Variants in BICD1 observed in about 807,000 individuals in gnomAD.
BICD1 encodes the protein BICD cargo adaptor 1.
A neutral mutation model predicts 92.5 loss-of-function variants in BICD1; 35 were observed. The observed-to-expected ratio is 0.38, with a 90% CI of 0.29 to 0.50. BICD1 has a LOEUF of 0.50. Ranked by LOEUF, BICD1 falls within the 20% of genes least tolerant of loss-of-function variation. The probability of loss-of-function intolerance (pLI) is 0.93; values close to 1 mark genes in which losing one functional copy is unlikely to be tolerated. For missense variants in BICD1, 950 were observed against 1,189.8 expected, an observed-to-expected ratio of 0.80 and a Z score of 2.97; for synonymous variants, 429 against 465.1, an observed-to-expected ratio of 0.92 and a Z score of 1.00.
chr12:32,240,736 C>T (rs929217551), intron 2 of BICD1, among the ~76,000 whole-genome samples: 3 of 152,032 alleles, frequency 2.0e-5, no homozygotes, highest in African/African-American at 7.2e-5. Flanking sequence ...TACCACTCCC[C>T]ACCCCTTAAA....
intron 2 of BICD1, among the ~76,000 whole-genome samples, chr12:32,217,364 A>T (rs1945390769): frequency 6.6e-6 from 1 of 152,230 alleles, no homozygotes; most frequent in Non-Finnish European, 1.5e-5. Context: ...GTAAAGTATA[A>T]GACAAGCAAT....
At chr12:32,196,601 A>T (rs1944733825) in intron 1 of BICD1, among the ~76,000 whole-genome samples, 1 of 152,228 alleles carries the variant, frequency 6.6e-6, no homozygotes. Flanking sequence ...AACAGAGTAG[A>T]ATGGTGGTTG....
In BICD1 at chr12:32,356,541, G is replaced by A. The variant is rs1466261386; in HGVS notation, c.2765-11129G>A. 4.6e-5 allele frequency among the ~76,000 whole-genome samples: 7 copies of A among 151,968 alleles called. No homozygotes were observed. In the East Asian group the frequency reaches 9.7e-4, roughly 21 times the overall value. ...AGTGGCACTGGGGAGGCTGAGGTGG[G>A]AGGATCGCCTGAACCCGGGAAGCAG... On this transcript the variant is annotated intron_variant, in intron 8 of 9. Coordinates refer to ENST00000652176, the MANE Select transcript of BICD1 (RefSeq NM_001714.4).
At chr12:32,283,474 C>T (rs1381500505) in intron 2 of BICD1, among the ~76,000 whole-genome samples, 1 of 152,054 alleles carries the variant, frequency 6.6e-6, no homozygotes, top group Non-Finnish European at 1.5e-5. Context: ...CAGCTATGAG[C>T]ATGCATAGAG....
intron 4 of BICD1, among the ~76,000 whole-genome samples, chr12:32,317,317 C>T (rs1242763801): frequency 6.6e-6 from 1 of 152,176 alleles, no homozygotes; most frequent in Non-Finnish European, 1.5e-5. Context: ...GTTTACAGTC[C>T]TACCAACAGT....
At chr12:32,239,296 G>A (rs1946168289) in intron 2 of BICD1, among the ~76,000 whole-genome samples, 1 of 150,406 alleles carries the variant, frequency 6.6e-6, no homozygotes, top group African/African-American at 2.4e-5. Flanking sequence ...GCCGGGCGCT[G>A]TGGCTTACGC....
In BICD1 at chr12:32,182,707, T is replaced by A. The variant is rs1158393386; in HGVS notation, c.214-33540T>A. 6.6e-5 allele frequency among the ~76,000 whole-genome samples: 10 copies of A among 151,776 alleles called. No individual in the cohort carries two copies. The Admixed American group carries it at 6.6e-4, about 10-fold the overall frequency. Reference sequence around the variant, plus strand: ...TAATAAATATATACTGGCAAATACATAATGGTAGTATTTTTATTTATAAAA... The same window carrying A: ...TAATAAATATATACTGGCAAATACAAAATGGTAGTATTTTTATTTATAAAA... On this transcript the variant is annotated intron_variant, in intron 1 of 9. Transcript: ENST00000652176.
chr12:32,142,444 C>CCTGTCTATCCTAT (rs1942963163), intron 1 of BICD1, among the ~76,000 whole-genome samples: 1 of 84,762 alleles, frequency 1.2e-5, no homozygotes, highest in East Asian at 3.7e-4. Context: ...AAAAACCCCA[C>CCTGTCTATCCTAT]CTATCTATCC....
intron 8 of BICD1, chr12:32,352,540 G>A (rs1189332491): frequency 4.6e-5 from 7 of 151,858 alleles, no homozygotes; most frequent in Admixed American, 4.6e-4. Flanking sequence ...AGTTTAAGGA[G>A]ACACATTTCC....
At chr12:32,239,535 CAGTGCA>C in intron 2 of BICD1, among the ~76,000 whole-genome samples, 1 of 149,428 alleles carries the variant, frequency 6.7e-6, no homozygotes, top group East Asian at 2.0e-4. Context: ...CATTGCACTC[CAGTGCA>C]GTGGAGTGCA....
At chr12:32,172,151 A>G (rs1217863602) in intron 1 of BICD1, among the ~76,000 whole-genome samples, 3 of 152,152 alleles carry the variant, frequency 2.0e-5, no homozygotes, top group Non-Finnish European at 4.4e-5. Context: ...TCTATGTGGT[A>G]AGTCTAGAAT....
intron 2 of BICD1, among the ~76,000 whole-genome samples, chr12:32,245,822 G>C (rs969076691): frequency 2.0e-5 from 3 of 151,790 alleles, no homozygotes; most frequent in African/African-American, 7.3e-5. Flanking sequence ...CTGAGGTCAG[G>C]AGTTCGAGAC....
chr12:32,206,096 T>G (rs1234550035), intron 1 of BICD1, among the ~76,000 whole-genome samples: 1 of 152,246 alleles, frequency 6.6e-6, no homozygotes, highest in East Asian at 1.9e-4. Flanking sequence ...AACTTGGTTT[T>G]TTATTCACCA....
intron 3 of BICD1, among the ~76,000 whole-genome samples, chr12:32,298,569 CAAA>C (rs56382132): frequency 5.1e-5 from 4 of 77,812 alleles, no homozygotes; most frequent in African/African-American, 1.8e-4. Context: ...CGATCCACCT[CAAA>C]AAAAAAAAAA....
intron 1 of BICD1, among the ~76,000 whole-genome samples, chr12:32,213,086 T>G (rs573345104): frequency 6.6e-6 from 1 of 152,320 alleles, no homozygotes; most frequent in South Asian, 2.1e-4. Flanking sequence ...ATAGCATCAC[T>G]AACTAACCTA....
At chr12:32,362,270 G>T (rs1454442825) in intron 8 of BICD1, among the ~76,000 whole-genome samples, 1 of 152,206 alleles carries the variant, frequency 6.6e-6, no homozygotes, top group East Asian at 1.9e-4. Flanking sequence ...TGAGGCAGGA[G>T]AATTGCTTGA....
At chr12:32,375,078 C>T (rs1005542006) in intron 9 of BICD1, among the ~76,000 whole-genome samples, 6 of 151,142 alleles carry the variant, frequency 4.0e-5, no homozygotes, top group Non-Finnish European at 7.4e-5. Context: ...GCCACCACGC[C>T]CAGCTAATTT....
intron 3 of BICD1, among the ~76,000 whole-genome samples, chr12:32,298,654 T>C (rs774341418): frequency 1.3e-3 from 197 of 150,100 alleles, no homozygotes; most frequent in Admixed American, 2.3e-3. Flanking sequence ...GCAGATCACC[T>C]GAGGTCTGGA....
chr12:32,347,845 CAG>C (rs1443514874), intron 8 of BICD1, among the ~76,000 whole-genome samples: 1 of 152,052 alleles, frequency 6.6e-6, no homozygotes, highest in African/African-American at 2.4e-5. Flanking sequence ...TTATTTTAAG[CAG>C]AGAGTGCCTT....
Sources: gnomAD v4.1 joint callset for allele counts (sites outside exome capture counted in the v4.1 genomes callset) on GRCh38, gnomAD v4.1.1 for gene constraint, MANE v1.5 for transcripts, NCBI Gene and HGNC (gene_info 2026-07-23, HGNC 2026-07-21) for gene names.